The following CDC123 variants were observed in gnomAD, a reference collection of about 807,000 sequenced individuals.
The protein encoded by CDC123 is cell division cycle 123.
In CDC123, 37 loss-of-function variants were observed where a neutral mutation model predicts 54.4. The ratio of observed to expected loss-of-function variants is 0.68; its 90% confidence interval spans 0.52 to 0.89. The LOEUF is 0.89. CDC123 is among the 40% of genes least tolerant of loss of function. The pLI is 0.00. For missense variants in CDC123, 361 were observed against 412.1 expected (o/e 0.88, Z 1.07); for synonymous variants, 144 against 136.8 (o/e 1.05, Z -0.37).
At chr10:12,215,925 T>C (rs1275735132) in intron 5 of CDC123, 90 bp downstream of exon 5, 1 of 711,440 alleles carries the variant, frequency 1.4e-6, no homozygotes, top group African/African-American at 1.8e-5. Context: ...GGTCTAATTA[T>C]ATTCCTAATT....
chr10:12,222,765 T>A (rs1835753837), intron 6 of CDC123, among the ~76,000 whole-genome samples: 1 of 152,188 alleles, frequency 6.6e-6, no homozygotes, highest in Non-Finnish European at 1.5e-5. Flanking sequence ...TTTTTTAAAA[T>A]TTTTTCAAGA....
At chr10:12,233,315 A>T (rs911771686) in intron 7 of CDC123, among the ~76,000 whole-genome samples, 24 of 125,872 alleles carry the variant, frequency 1.9e-4, no homozygotes, top group South Asian at 4.9e-4. Flanking sequence ...ACACACACAC[A>T]CTCTCTGTCT....
chr10:12,228,644 T>C (rs1337285608), intron 6 of CDC123, among the ~76,000 whole-genome samples: 1 of 152,136 alleles, frequency 6.6e-6, no homozygotes, highest in Non-Finnish European at 1.5e-5. Flanking sequence ...GATCTTGGCT[T>C]ACCACAACCT....
intron 2 of CDC123, among the ~76,000 whole-genome samples, chr10:12,201,060 G>C (rs564671859): frequency 6.6e-6 from 1 of 152,216 alleles, no homozygotes; most frequent in Non-Finnish European, 1.5e-5. Flanking sequence ...GCATGGCATG[G>C]TGCTGTTTCT....
chr10:12,230,487 C>T (rs935230191), intron 6 of CDC123, among the ~76,000 whole-genome samples: 3 of 152,186 alleles, frequency 2.0e-5, no homozygotes, highest in South Asian at 4.1e-4. Flanking sequence ...ACCACTGCAC[C>T]CATCCTGGGG....
At chr10:12,241,496 A>C (rs1382378916) in intron 10 of CDC123, among the ~76,000 whole-genome samples, 2 of 152,094 alleles carry the variant, frequency 1.3e-5, no homozygotes, top group Admixed American at 6.6e-5. Context: ...TGCGATATGG[A>C]TCCCCCTTAG....
chr10:12,228,250 G>A (rs780249930), intron 6 of CDC123, among the ~76,000 whole-genome samples: 16 of 151,922 alleles, frequency 1.1e-4, no homozygotes, highest in African/African-American at 1.7e-4. Flanking sequence ...TTTTATTGAC[G>A]TAAAATAACT....
Position 12,225,043 on chromosome 10 carries a change from G to A in CDC123, c.441-5905G>A, listed in dbSNP as rs116109873. 4.4e-3 allele frequency among the ~76,000 whole-genome samples: 669 copies of A among 152,196 alleles called. 1 individual carries two copies. The highest frequency in any genetic ancestry group is 0.015 in the African/African-American group (643 of 41,514). On this transcript the variant is annotated intron_variant, in intron 6 of 12. Transcript: ENST00000281141. ...AGTTGGTGGACAGGCATATCCTGGC[G>A]CTTTTCCCAAGAACCCCTTACAGAG...
chr10:12,235,138 G>C lies in CDC123; in HGVS notation c.565+15G>C. On this transcript the variant is annotated intron_variant, in intron 8 of 12. Transcript: ENST00000281141. Reference sequence around the variant, plus strand: ...CAAGCTTATTGGTGAGTTTTTGTTTGTTTGTTTGTTTTATCCTTCAAAGTC... The same window carrying C: ...CAAGCTTATTGGTGAGTTTTTGTTTCTTTGTTTGTTTTATCCTTCAAAGTC... The C allele has an allele frequency of 6.3e-7, 1 of 1,599,100 alleles. No homozygotes were observed. The highest frequency in any genetic ancestry group is 8.5e-7 in the Non-Finnish European group (1 of 1,170,166).
Position 12,210,017 on chromosome 10 carries a change from A to G in CDC123, c.197A>G (p.Glu66Gly). 1 of 1,614,142 alleles carries G rather than the reference A, an allele frequency of 6.2e-7. No homozygotes were observed. The highest frequency in any genetic ancestry group is 8.5e-7 in the Non-Finnish European group (1 of 1,179,954). Residue 66 changes from glutamate (E) to glycine (G), a missense_variant, in exon 3 of 13, where the codon GAA (glutamate) becomes GGA (glycine). Transcript: ENST00000281141. ...CCAGACAGTGATGATGAAGCAGAAG[A>G]AATACAGGTTGGTACCAAATAAAAT... ...SQPDSDDEAEEIQWSDDENTA... is the reference protein window; with the variant it reads ...SQPDSDDEAEGIQWSDDENTA...
intron 1 of CDC123, 97 bp downstream of exon 1, chr10:12,196,416 C>A: frequency 6.8e-7 from 1 of 1,475,144 alleles, no homozygotes. Flanking sequence ...GGCCTTCTAG[C>A]GACTGCATGG....
At chr10:12,214,726 T>G (rs1189047284) in intron 4 of CDC123, among the ~76,000 whole-genome samples, 1 of 152,216 alleles carries the variant, frequency 6.6e-6, no homozygotes, top group Non-Finnish European at 1.5e-5. Context: ...GGTTAGATCT[T>G]GGGGATCCAC....
chr10:12,223,674 C>T (rs747194639), intron 6 of CDC123, among the ~76,000 whole-genome samples: 2 of 152,074 alleles, frequency 1.3e-5, no homozygotes, highest in Non-Finnish European at 2.9e-5. Context: ...ATAGTAAGGC[C>T]ATTTGGCTGG....
intron 10 of CDC123, among the ~76,000 whole-genome samples, chr10:12,239,722 AAAGG>A (rs1422959010): frequency 2.7e-5 from 4 of 149,388 alleles, no homozygotes; most frequent in Non-Finnish European, 5.9e-5. Context: ...AAAAAAAAAA[AAAGG>A]GGCCGGGCGC....
At chr10:12,209,200 A>T (rs1835562549) in intron 2 of CDC123, among the ~76,000 whole-genome samples, 2 of 151,706 alleles carry the variant, frequency 1.3e-5, no homozygotes, top group South Asian at 4.2e-4. Context: ...GAAAGGTTTT[A>T]TTCTGTCATC....
chr10:12,197,612 C>G (rs1173522029), intron 1 of CDC123, among the ~76,000 whole-genome samples: 1 of 151,378 alleles, frequency 6.6e-6, no homozygotes, highest in Non-Finnish European at 1.5e-5. Context: ...TGCCTGACCT[C>G]GTGATCCGCC....
In CDC123 at chr10:12,230,975, A is replaced by G; in HGVS notation, c.468A>G (p.Pro156=). The change falls in exon 7 of 13, where the codon CCA becomes CCG. Residue 156 remains proline (P), a synonymous_variant. Coordinates refer to ENST00000281141, the MANE Select transcript of CDC123 (RefSeq NM_006023.3). ...TTATTCATTGTACTGATGATTCTCC[A>G]GATCCATGTATAGAATATGAGGTAA... The part of the protein sequence containing the change: ...QPFIHCTDDS[P]DPCIEYELVL... The G allele has an allele frequency of 6.2e-7, 1 of 1,611,830 alleles. No individual in the cohort carries two copies. Among genetic ancestry groups the G allele is most frequent in the South Asian group, 1.1e-5 (1 of 90,384 alleles).
At chr10:12,218,949 A>G (rs1564436439) in intron 6 of CDC123, among the ~76,000 whole-genome samples, 1 of 152,200 alleles carries the variant, frequency 6.6e-6, no homozygotes, top group Non-Finnish European at 1.5e-5. Context: ...TAAACAGACC[A>G]GTTATCTCAG....
Position 12,215,793 on chromosome 10 carries a change from C to T in CDC123, c.291C>T (p.Leu97=), listed in dbSNP as rs763125813. The T allele has an allele frequency of 1.1e-5, 17 of 1,612,476 alleles. 1 individual carries two copies. Among genetic ancestry groups the T allele is most frequent in the South Asian group, 4.4e-5 (4 of 90,748 alleles). ...AAGTCCAGGAAGCTATCAATTCCCT[C>T]GGGGGCAGTGTCTTTCCTAAGCTTA... ...ATKVQEAINS[L]GGSVFPKLNW... Residue 97 remains leucine, a synonymous_variant, in exon 5 of 13, where the codon CTC becomes CTT. Transcript: ENST00000281141.
Sources: gnomAD v4.1 joint callset for allele counts (sites outside exome capture counted in the v4.1 genomes callset) on GRCh38, gnomAD v4.1.1 for gene constraint, MANE v1.5 for transcripts, NCBI Gene and HGNC (gene_info 2026-07-23, HGNC 2026-07-21) for gene names.